Variants in SNX18 observed in about 807,000 individuals in gnomAD.
SNX18 encodes the protein sorting nexin 18, also known as sorting nexin-18.
SNX18 carries 35 observed loss-of-function variants against 48.7 expected under a neutral mutation model. The ratio of observed to expected loss-of-function variants is 0.72; its 90% CI spans 0.55 to 0.95. The LOEUF (loss-of-function observed/expected upper bound fraction) is 0.95. Ranked by LOEUF, SNX18 falls within the 40% of genes least tolerant of loss-of-function variation. SNX18 has a pLI of 0.00. For missense variants in SNX18, 824 were observed against 871.0 expected, an observed-to-expected ratio of 0.95 and a Z score of 0.68; for synonymous variants, 492 against 384.7, an observed-to-expected ratio of 1.28 and a Z score of -3.26.
chr5:54,623,443 CT>C, the SNX18 span, among the ~76,000 whole-genome samples: 15 of 152,020 alleles, frequency 9.9e-5, no homozygotes, highest in African/African-American at 3.4e-4. Context: ...TGGGGACTGC[CT>C]GAGCACAGGC....
the SNX18 span, among the ~76,000 whole-genome samples, chr5:54,554,264 C>T: frequency 6.6e-6 from 1 of 152,230 alleles, no homozygotes; most frequent in Non-Finnish European, 1.5e-5. Flanking sequence ...CCTGGCTTTA[C>T]CTTAGCATCA....
At chr5:54,541,729 A>G (rs1288783292) in intron 1 of SNX18, among the ~76,000 whole-genome samples, 1 of 152,190 alleles carries the variant, frequency 6.6e-6, no homozygotes, top group Non-Finnish European at 1.5e-5. Context: ...ATGTGTACAT[A>G]TGTGCACACC....
At chr5:54,611,132 G>T in the SNX18 span, among the ~76,000 whole-genome samples, 7 of 152,176 alleles carry the variant, frequency 4.6e-5, no homozygotes, top group Admixed American at 3.9e-4. Context: ...CAGGTGCTGA[G>T]CTTGACCTGC....
At chr5:54,621,353 G>C in the SNX18 span, among the ~76,000 whole-genome samples, 1 of 152,140 alleles carries the variant, frequency 6.6e-6, no homozygotes, top group Middle Eastern at 3.2e-3. Flanking sequence ...TTGGGTTCTT[G>C]CCAACTTGTG....
chr5:54,576,792 T>G, the SNX18 span, among the ~76,000 whole-genome samples: 3 of 140,042 alleles, frequency 2.1e-5, no homozygotes, highest in African/African-American at 7.7e-5. Flanking sequence ...TTTGTTTGTT[T>G]GTTTGTTTGC....
intron 1 of SNX18, among the ~76,000 whole-genome samples, chr5:54,536,672 C>T (rs1403674551): frequency 6.6e-6 from 1 of 152,136 alleles, no homozygotes; most frequent in Non-Finnish European, 1.5e-5. Context: ...CTGTTGTGAA[C>T]AGTGCCGCAA....
chr5:54,581,303 G>C, the SNX18 span, among the ~76,000 whole-genome samples: 1 of 152,128 alleles, frequency 6.6e-6, no homozygotes, highest in Non-Finnish European at 1.5e-5. Flanking sequence ...GGAAAGATGA[G>C]AGAGAGCAAG....
Position 54,518,389 on chromosome 5 carries a change from C to T in SNX18, c.437C>T (p.Ala146Val). ...SPQQLYGGYQ[A>V]SQGSDDDWDD... ...CAGCAGCTCTACGGCGGCTACCAGG[C>T]CAGCCAAGGCAGCGATGATGACTGG... Residue 146 changes from alanine to valine, a missense_variant, in exon 1 of 2, where the codon GCC becomes GTC. Physicochemically the swap from Ala to Val is moderately conservative, Grantham distance 64. Coordinates refer to ENST00000381410, the MANE Select transcript of SNX18 (RefSeq NM_001102575.2). 2 of 1,577,778 alleles carry T rather than the reference C, an allele frequency of 1.3e-6. No homozygotes were observed. The highest frequency in any genetic ancestry group is 1.7e-6 in the Non-Finnish European group (2 of 1,163,182).
chr5:54,523,722 G>A (rs1762076110), intron 1 of SNX18, among the ~76,000 whole-genome samples: 1 of 152,226 alleles, frequency 6.6e-6, no homozygotes, highest in African/African-American at 2.4e-5. Context: ...TGGTATACCA[G>A]TAGTGGGCCT....
chr5:54,615,919 A>C, the SNX18 span, among the ~76,000 whole-genome samples: 1 of 152,206 alleles, frequency 6.6e-6, no homozygotes, highest in Non-Finnish European at 1.5e-5. Context: ...TAGACTAGTT[A>C]AAAGAGCTTA....
At chr5:54,636,727 A>T in the SNX18 span, among the ~76,000 whole-genome samples, 1 of 152,252 alleles carries the variant, frequency 6.6e-6, no homozygotes, top group African/African-American at 2.4e-5. Context: ...CCCAATTTTA[A>T]ATTAGTAAAA....
chr5:54,552,701 T>C, the SNX18 span, among the ~76,000 whole-genome samples: 2 of 152,204 alleles, frequency 1.3e-5, no homozygotes, highest in Admixed American at 1.3e-4. Context: ...CTTGTTGTGC[T>C]TCGGGCACTG....
chr5:54,519,818 G>A (rs759442686), intron 1 of SNX18: 4 of 1,608,120 alleles, frequency 2.5e-6, no homozygotes. Context: ...GAGTACCTTT[G>A]ATGACAGTGC....
the SNX18 span, among the ~76,000 whole-genome samples, chr5:54,554,401 C>A: frequency 6.6e-6 from 1 of 152,214 alleles, no homozygotes; most frequent in Non-Finnish European, 1.5e-5. Context: ...TGTACAATTT[C>A]ACTTTCTTGC....
At chr5:54,536,529 T>A (rs1318826427) in intron 1 of SNX18, among the ~76,000 whole-genome samples, 1 of 152,202 alleles carries the variant, frequency 6.6e-6, no homozygotes, top group East Asian at 1.9e-4. Context: ...GGTTTCCAGC[T>A]TCATCCATGT....
chr5:54,572,775 T>TATATATATA, the SNX18 span, among the ~76,000 whole-genome samples: 4 of 8,696 alleles, frequency 4.6e-4, no homozygotes, highest in Non-Finnish European at 9.9e-4. Context: ...TATATATATA[T>TATATATATA]TTTTTTTTTT....
chr5:54,543,525 G>A lies in SNX18; in HGVS notation c.*93G>A. The A allele has an allele frequency of 1.4e-6, 2 of 1,472,620 alleles. No homozygotes were observed. Among genetic ancestry groups the A allele is most frequent in the South Asian group, 2.7e-5 (2 of 75,408 alleles). The allele number at this position is 1,472,620 out of a possible 1,614,324, so 91.2% of individuals were successfully genotyped here. The stretch of plus-strand genomic sequence containing the variant: ...GTCAAAGAGCTATTGCCAGCTATCA[G>A]TGGTGGTACAAGGACGGTTTTGTGT... On this transcript the variant is annotated 3_prime_UTR_variant, in exon 2 of 2. Coordinates refer to ENST00000381410, the MANE Select transcript of SNX18 (RefSeq NM_001102575.2).
In SNX18 at chr5:54,518,234, C is replaced by A; in HGVS notation, c.282C>A (p.Pro94=). ...TCGAGCCCCTGCCTGTCGCGCCCCCCGCCTCCTTCAAGCCGCCGCCTGACG... is the reference window on the plus strand; with the variant it reads ...TCGAGCCCCTGCCTGTCGCGCCCCCAGCCTCCTTCAAGCCGCCGCCTGACG... ...GGFEPLPVAP[P]ASFKPPPDAF... Residue 94 remains proline (P), a synonymous_variant, in exon 1 of 2, where the codon CCC becomes CCA. Transcript: ENST00000381410. The A allele has an allele frequency of 1.4e-6, 2 of 1,434,452 alleles. No homozygotes were observed. The highest frequency in any genetic ancestry group is 3.0e-5 in the East Asian group (1 of 33,720). The allele number at this position is 1,434,452 out of a possible 1,614,324, so 88.9% of individuals were successfully genotyped here. A position where few individuals can be genotyped will look rare whatever the true frequency, so the allele number is the denominator to read the frequency against.
chr5:54,635,920 T>C, the SNX18 span, among the ~76,000 whole-genome samples: 3 of 152,210 alleles, frequency 2.0e-5, no homozygotes, highest in Admixed American at 6.5e-5. Flanking sequence ...TAGAGCATCA[T>C]GTGCAGTGGA....
Sources: allele counts gnomAD v4.1 joint callset (sites outside exome capture counted in the v4.1 genomes callset), GRCh38; gene constraint gnomAD v4.1.1; transcripts MANE v1.5; gene names NCBI Gene and HGNC (gene_info 2026-07-23, HGNC 2026-07-21).